The following GAREM2 variants were observed in gnomAD, a reference collection of about 807,000 sequenced individuals.
The protein encoded by GAREM2 is GRB2 associated regulator of MAPK1 subtype 2.
In GAREM2, 30 loss-of-function variants were observed where a neutral mutation model predicts 55.6. The observed-to-expected ratio is 0.54, with a 90% CI of 0.40 to 0.73. The LOEUF is 0.73. Ranked by LOEUF, GAREM2 falls within the 30% of genes least tolerant of loss-of-function variation. GAREM2 has a pLI of 0.00. For synonymous variants in GAREM2, 550 were observed against 569.1 expected, an observed-to-expected ratio of 0.97 and a Z score of 0.48; for missense variants, 1,075 against 1,257.7, an observed-to-expected ratio of 0.85 and a Z score of 2.20.
rs960611137 is a variant in GAREM2 at position 26,182,172 on chromosome 2, C to T, written c.254-795C>T. On this transcript the variant is annotated intron_variant, in intron 2 of 5. Transcript: ENST00000401533. ...CTGGCCAGTGAGGTGAGAGAGCTTA[C>T]ACAGGGATGTCAGCTTCACAGACTG... is the stretch of plus-strand genomic sequence containing the variant. The T allele has an allele frequency of 1.3e-5, 17 of 1,329,872 alleles. No individual in the cohort carries two copies. The South Asian group carries it at 2.8e-4, about 22-fold the overall frequency. 82.4% of individuals were successfully genotyped at this position (1,329,872 alleles called of 1,614,324 possible).
At chr2:26,176,570 G>T (rs1668873349) in intron 2 of GAREM2, 86 bp downstream of exon 2, 5 of 1,242,964 alleles carry the variant, frequency 4.0e-6, no homozygotes, top group South Asian at 2.1e-5. Flanking sequence ...GGAACGCTGG[G>T]ACTAGCGAGG....
intron 2 of GAREM2, among the ~76,000 whole-genome samples, chr2:26,178,937 G>A (rs1021404504): frequency 1.4e-5 from 1 of 70,394 alleles, no homozygotes; most frequent in Non-Finnish European, 2.9e-5. Flanking sequence ...AAGGCCGGCG[G>A]GTTAACGAGG....
intron 1 of GAREM2, among the ~76,000 whole-genome samples, chr2:26,174,754 T>C (rs57612054): frequency 0.051 from 7,762 of 152,246 alleles, 668 homozygotes; most frequent in African/African-American, 0.18. Context: ...GAAGGGTAGG[T>C]CCCTGTGTGC....
chr2:26,182,452 CG>C, intron 2 of GAREM2: 1 of 1,550,482 alleles, frequency 6.4e-7, no homozygotes, highest in Non-Finnish European at 8.7e-7. Flanking sequence ...CACCTCCATG[CG>C]GATCAGCAGC....
At chr2:26,191,564 G>C, downstream of GAREM2, 1 of 1,614,124 alleles carries the variant, frequency 6.2e-7, no homozygotes, top group Non-Finnish European at 8.5e-7. Flanking sequence ...CCCTCTTGCA[G>C]GCACATGACT....
chr2:26,194,992 T>G, the GAREM2 span: 1 of 1,022,564 alleles, frequency 9.8e-7, no homozygotes, highest in Non-Finnish European at 1.6e-6. Flanking sequence ...TATCAAAGTC[T>G]GGTCATTTGC....
chr2:26,182,279 G>A (rs1291761972), intron 2 of GAREM2: 1 of 1,432,636 alleles, frequency 7.0e-7, no homozygotes, highest in Non-Finnish European at 9.2e-7. Context: ...TGCAGGTTGG[G>A]AAGGCCTACT....
intron 5 of GAREM2, 138 bp downstream of exon 5, chr2:26,186,496 T>C (rs958488578): frequency 1.5e-5 from 12 of 794,208 alleles, no homozygotes; most frequent in Non-Finnish European, 2.2e-5. Flanking sequence ...CCCTGTGCAG[T>C]GGCTCAGGGA....
the GAREM2 span, among the ~76,000 whole-genome samples, chr2:26,199,031 A>G: frequency 6.1e-3 from 931 of 151,794 alleles, 8 homozygotes; most frequent in African/African-American, 0.022. Context: ...AGTAGCTGGG[A>G]TTACAGGCAC....
At chr2:26,194,436 CA>C, downstream of GAREM2, 5 of 725,512 alleles carry the variant, frequency 6.9e-6, no homozygotes, top group Admixed American at 1.0e-4. Flanking sequence ...AGAGAGAGGG[CA>C]CCAGGGACCT....
At chr2:26,178,902 GGAGGCA>G (rs199774232) in intron 2 of GAREM2, among the ~76,000 whole-genome samples, 2,946 of 152,260 alleles carry the variant, frequency 0.019, 94 homozygotes, top group African/African-American at 0.066. Flanking sequence ...AGGCGGAGGC[GGAGGCA>G]GAGGCCCCTA....
Position 26,184,374 on chromosome 2 carries a change from C to T in GAREM2, c.526C>T (p.Arg176Ter). ...KERSRFTTLL[R>*]KLGRAGALAG... ...GCGCTCGCGCTTCACCACCCTCCTG[C>T]GAAAGCTGGGCCGGGCCGGGGCGCT... The change falls in exon 4 of 6, where the codon CGA (arginine) becomes TGA (stop). Residue 176 changes from arginine to a stop codon, truncating the protein, a stop_gained. Coordinates refer to ENST00000401533, the MANE Select transcript of GAREM2 (RefSeq NM_001168241.2). LOFTEE classifies it high-confidence loss of function. 1 of 1,542,304 alleles carries T rather than the reference C, an allele frequency of 6.5e-7. No individual in the cohort carries two copies.
chr2:26,187,870 A>G lies in GAREM2; in HGVS notation c.2238A>G (p.Glu746=). ...GCCCCTCCAAGGCCTTTGAGCCTGA[A>G]GGTTTGGTGCTGCACCAGGTCCCCA... The part of the protein sequence containing the change: ...PLGPSKAFEP[E]GLVLHQVPTP... Residue 746 remains glutamate (E), a synonymous_variant, in exon 6 of 6, where the codon GAA becomes GAG. Coordinates refer to ENST00000401533, the MANE Select transcript of GAREM2 (RefSeq NM_001168241.2). 7.0e-7 allele frequency: 1 copy of G among 1,437,428 alleles called. No individual in the cohort carries two copies. The highest frequency in any genetic ancestry group is 1.5e-5 in the South Asian group (1 of 65,526). 89.0% of individuals were successfully genotyped at this position (1,437,428 alleles called of 1,614,324 possible). A position where few individuals can be genotyped will look rare whatever the true frequency, so the allele number is the denominator to read the frequency against.
At chr2:26,185,575 G>A (rs1329448348) in intron 4 of GAREM2, among the ~76,000 whole-genome samples, 7 of 152,208 alleles carry the variant, frequency 4.6e-5, no homozygotes, top group African/African-American at 1.4e-4. Context: ...GGTCCTTTAA[G>A]TTGTTGCGTG....
Position 26,184,530 on chromosome 2 carries a change from A to C in GAREM2, c.682A>C (p.Ser228Arg), listed in dbSNP as rs1429055635. ...CMNHRTNESL[S>R]LPFQCQGRFS... ...GAACCACCGCACCAACGAAAGCCTG[A>C]GCCTGCCCTTTCAGTGCCAGGGCCG... is the stretch of plus-strand genomic sequence containing the variant. The change falls in exon 4 of 6, where the codon AGC (serine) becomes CGC (arginine). Residue 228 changes from serine to arginine, a missense_variant. Physicochemically the swap from Ser to Arg is moderately radical, Grantham distance 110. This residue lies in a region of GAREM2 where 3 missense variants were observed against 21.6 expected (regional missense o/e 0.14). Coordinates refer to ENST00000401533, the MANE Select transcript of GAREM2 (RefSeq NM_001168241.2). 6.5e-7 allele frequency: 1 copy of C among 1,547,350 alleles called. No individual in the cohort carries two copies. The highest frequency in any genetic ancestry group is 8.7e-7 in the Non-Finnish European group (1 of 1,145,762).
At position 26,184,238 on chromosome 2, in the gene GAREM2, G is replaced by T; in HGVS notation, c.390G>T (p.Val130=). The T allele has an allele frequency of 1.3e-6, 2 of 1,550,052 alleles. No homozygotes were observed. The highest frequency in any genetic ancestry group is 1.7e-6 in the Non-Finnish European group (2 of 1,146,104). ...MEAITFSVKV[V]SGEFSEDSEV... ...CCTGTCTCTGGGATCCCCAGGTGGT[G>T]TCGGGCGAGTTCAGCGAGGACAGCG... is the stretch of plus-strand genomic sequence containing the variant. Residue 130 remains valine, a synonymous_variant, in exon 4 of 6, where the codon GTG becomes GTT. Coordinates refer to ENST00000401533, the MANE Select transcript of GAREM2 (RefSeq NM_001168241.2).
In GAREM2 at chr2:26,185,081, C is replaced by G. The variant is rs1187943947; in HGVS notation, c.1233C>G (p.Ser411Arg). Reference protein sequence around the residue: ...PAGEGDQEYVSPDWAAAPEPA... With the variant: ...PAGEGDQEYVRPDWAAAPEPA... ...GCGAGGGCGACCAGGAGTACGTGAG[C>G]CCCGACTGGGCAGCCGCGCCCGAGC... is the stretch of plus-strand genomic sequence containing the variant. The change falls in exon 4 of 6, where the codon AGC (serine) becomes AGG (arginine). Residue 411 changes from serine to arginine, a missense_variant. By Grantham distance (110) the Ser-to-Arg change is moderately radical. Around this residue, in one of 6 missense-constraint regions of GAREM2, gnomAD observed 515 missense variants for 501.5 expected, o/e 1.03. Transcript: ENST00000401533. The G allele has an allele frequency of 7.9e-6, 11 of 1,398,720 alleles. No homozygotes were observed. The highest frequency in any genetic ancestry group is 1.0e-5 in the Non-Finnish European group (11 of 1,083,198). The allele number at this position is 1,398,720 out of a possible 1,614,324, so 86.6% of individuals were successfully genotyped here. A position where few individuals can be genotyped will look rare whatever the true frequency, so the allele number is the denominator to read the frequency against.
At chr2:26,192,675 G>A (rs566315184), downstream of GAREM2, among the ~76,000 whole-genome samples, 154 of 152,090 alleles carry the variant, frequency 1.0e-3, 3 homozygotes, top group Non-Finnish European at 5.1e-4. Flanking sequence ...GAACCCGGGA[G>A]GTGGAGACGA....
chr2:26,201,961 A>ATT, the GAREM2 span, among the ~76,000 whole-genome samples: 624 of 137,198 alleles, frequency 4.5e-3, 3 homozygotes, highest in African/African-American at 0.016. Context: ...CGCCTGGCTA[A>ATT]TTTTTTTTTT....
Sources: gnomAD v4.1 joint callset for allele counts (sites outside exome capture counted in the v4.1 genomes callset) on GRCh38, gnomAD v4.1.1 for gene constraint, gnomAD v4.1.1 regional missense constraint, MANE v1.5 for transcripts, NCBI Gene and HGNC (gene_info 2026-07-23, HGNC 2026-07-21) for gene names.